HYLS1: variants seen among roughly 807,000 people sequenced by gnomAD.
HYLS1 encodes the protein HYLS1 centriolar and ciliogenesis associated, also known as centriolar and ciliogenesis-associated protein HYLS1.
A neutral mutation model predicts 29.4 loss-of-function variants in HYLS1; 25 were observed. The ratio of observed to expected loss-of-function variants is 0.85; its 90% CI spans 0.62 to 1.19. HYLS1 has a LOEUF of 1.19. Ranked by LOEUF, HYLS1 falls within the 50% of genes most tolerant of loss-of-function variation. The probability of loss-of-function intolerance (pLI) is 0.00; values close to 1 mark genes in which losing one functional copy is unlikely to be tolerated. For missense variants in HYLS1, 352 were observed against 365.1 expected (o/e 0.96, Z 0.29); for synonymous variants, 128 against 126.7 (o/e 1.01, Z -0.07).
rs761511515 is a variant in HYLS1 at position 125,899,632 on chromosome 11, A to G, written c.264A>G (p.Arg88=). ...PSETVSEASQ[R]LRKPVMKRKV... ...AAACAGTCTCTGAGGCCTCCCAAAG[A>G]CTCCGAAAGCCAGTGATGAAGAGAA... The change falls in exon 3 of 3, where the codon AGA becomes AGG. Residue 88 remains arginine (R), a synonymous_variant. Transcript: ENST00000425380. 3.1e-6 allele frequency: 5 copies of G among 1,614,082 alleles called. No homozygotes were observed. In the South Asian group the frequency reaches 4.4e-5, roughly 14 times the overall value.
chr11:125,896,105 A>G (rs1944579214), intron 2 of HYLS1: 2 of 1,614,236 alleles, frequency 1.2e-6, no homozygotes, highest in African/African-American at 1.3e-5. Flanking sequence ...GTCTTCGGCC[A>G]TGAGCACTGA....
In HYLS1 at chr11:125,900,310, A is replaced by G; in HGVS notation, c.*42A>G. On this transcript the variant is annotated 3_prime_UTR_variant, in exon 3 of 3. Transcript: ENST00000425380. ...TTCACAGGATTGTTTGAGATAACCT[A>G]GCTCTTTATATCTTCCCTTTTAAAT... 3 of 1,569,036 alleles carry G rather than the reference A, an allele frequency of 1.9e-6. No individual in the cohort carries two copies. Among genetic ancestry groups the G allele is most frequent in the Non-Finnish European group, 2.6e-6 (3 of 1,139,726 alleles).
In HYLS1 at chr11:125,895,051, C is replaced by CTT. The variant is rs11384524; in HGVS notation, c.-26+3593_-26+3594dup. Among the ~76,000 whole-genome samples the CTT allele has an allele frequency of 9.0e-3, 1,275 of 142,042 alleles. 19 individuals are homozygous for CTT. The highest frequency in any genetic ancestry group is 0.028 in the African/African-American group (1,100 of 39,128). The allele number at this position is 142,042 out of a possible 152,430, so 93.2% of individuals were successfully genotyped here. The stretch of plus-strand genomic sequence containing the variant: ...CGGTGGAGAGGAGGATATGCTATTT[C>CTT]TTTTTTTTTTTTTTTAAGACAGTCT... On this transcript the variant is annotated intron_variant, in intron 2 of 2. Coordinates refer to ENST00000425380, the MANE Select transcript of HYLS1 (RefSeq NM_001134793.2).
At chr11:125,889,833 C>A (rs1241729225) in intron 1 of HYLS1, among the ~76,000 whole-genome samples, 1 of 152,226 alleles carries the variant, frequency 6.6e-6, no homozygotes, top group Non-Finnish European at 1.5e-5. Context: ...GTTTTTATTT[C>A]TTCACACACT....
upstream of HYLS1, among the ~76,000 whole-genome samples, chr11:125,886,604 A>G (rs1944309137): frequency 8.0e-6 from 1 of 125,046 alleles, no homozygotes; most frequent in African/African-American, 3.4e-5. Context: ...TTTTTTTTAC[A>G]GGTACAGATG....
At chr11:125,894,104 CA>C in intron 2 of HYLS1, 1 of 1,614,132 alleles carries the variant, frequency 6.2e-7, no homozygotes, top group Non-Finnish European at 8.5e-7. Context: ...TCCTATTCCA[CA>C]GGGTACTGGA....
intron 2 of HYLS1, 155 bp from the exon 3 acceptor site, chr11:125,899,189 C>T: frequency 1.7e-6 from 1 of 595,160 alleles, no homozygotes. Flanking sequence ...GAGTTAATGC[C>T]CCTCTAAACT....
intron 2 of HYLS1, among the ~76,000 whole-genome samples, chr11:125,892,882 C>G (rs962569881): frequency 2.0e-5 from 3 of 152,156 alleles, no homozygotes; most frequent in African/African-American, 4.8e-5. Context: ...CAAATGTGAC[C>G]TGTGCTTACC....
intron 2 of HYLS1, chr11:125,895,485 A>G (rs1007332055): frequency 3.1e-6 from 5 of 1,614,148 alleles, no homozygotes; most frequent in South Asian, 1.1e-5. Flanking sequence ...GGCTACATCC[A>G]TTTTACACAA....
intron 2 of HYLS1, chr11:125,893,957 G>T (rs1273100414): frequency 2.5e-6 from 4 of 1,614,134 alleles, no homozygotes; most frequent in Admixed American, 1.7e-5. Context: ...CTGGATCCGG[G>T]ATTCCAGTCC....
At chr11:125,886,092 C>G (rs73626614), upstream of HYLS1, among the ~76,000 whole-genome samples, 1,032 of 152,236 alleles carry the variant, frequency 6.8e-3, 13 homozygotes, top group African/African-American at 0.023. Context: ...AACCATACCC[C>G]CTCTCTGAGC....
chr11:125,886,639 T>TA (rs1167762774), upstream of HYLS1, among the ~76,000 whole-genome samples: 36 of 138,472 alleles, frequency 2.6e-4, no homozygotes, highest in Non-Finnish European at 2.5e-4. Flanking sequence ...ACATCGGGTT[T>TA]AAAAAAAAAA....
rs201029610 is a variant in HYLS1 at position 125,899,448 on chromosome 11, T to A, written c.80T>A (p.Phe27Tyr). ...CGAATGTTGGCAGCTGCTACAGCTT[T>A]TACCCACATCTGTGCAGGGCAGGGT... is the stretch of plus-strand genomic sequence containing the variant. ...EERMLAAATA[F>Y]THICAGQGEG... is the part of the protein sequence containing the mutation. Residue 27 changes from phenylalanine (F) to tyrosine (Y), a missense_variant, in exon 3 of 3, where the codon TTT becomes TAT. Physicochemically the swap from Phe to Tyr is conservative, Grantham distance 22 (BLOSUM62 3). Transcript: ENST00000425380. 3.2e-4 allele frequency: 520 copies of A among 1,614,204 alleles called. No homozygotes were observed. The highest frequency in any genetic ancestry group is 1.6e-3 in the Admixed American group (94 of 60,026).
chr11:125,900,150 C>T lies in HYLS1; in HGVS notation c.782C>T (p.Pro261Leu). The part of the protein sequence containing the change: ...PQSKPQHIYV[P>L]NNYLVPTEKK... ...TCCAAACCTCAGCATATATATGTCC[C>T]AAACAATTATCTAGTACCAACAGAG... is the stretch of plus-strand genomic sequence containing the variant. Residue 261 changes from proline to leucine, a missense_variant, in exon 3 of 3, where the codon CCA (proline) becomes CTA (leucine). Pro to Leu is a moderately conservative substitution (Grantham distance 98, BLOSUM62 -3). Coordinates refer to ENST00000425380, the MANE Select transcript of HYLS1 (RefSeq NM_001134793.2). 6.2e-7 allele frequency: 1 copy of T among 1,614,118 alleles called. No homozygotes were observed. Among genetic ancestry groups the T allele is most frequent in the Non-Finnish European group, 8.5e-7 (1 of 1,180,020 alleles).
intron 2 of HYLS1, among the ~76,000 whole-genome samples, chr11:125,892,404 C>T (rs1944435138): frequency 6.6e-6 from 1 of 152,166 alleles, no homozygotes; most frequent in East Asian, 1.9e-4. Flanking sequence ...GTATTTAAGA[C>T]AACTCTGAGT....
chr11:125,892,257 TACTC>T (rs1357496614), intron 2 of HYLS1, among the ~76,000 whole-genome samples: 2 of 152,182 alleles, frequency 1.3e-5, no homozygotes, highest in African/African-American at 4.8e-5. Flanking sequence ...TTTGCAAAAT[TACTC>T]ATTCTCTGAG....
upstream of HYLS1, among the ~76,000 whole-genome samples, chr11:125,884,364 C>T (rs1944272618): frequency 6.7e-6 from 1 of 149,304 alleles, no homozygotes; most frequent in Non-Finnish European, 1.5e-5. Flanking sequence ...AGTCCCAGCA[C>T]TTTGGGAGGC....
At chr11:125,897,515 G>T (rs1196257774) in intron 2 of HYLS1, among the ~76,000 whole-genome samples, 1 of 50,634 alleles carries the variant, frequency 2.0e-5, no homozygotes, top group Non-Finnish European at 4.6e-5. Context: ...CAGTTTTAAT[G>T]AAAAAGTAAA....
chr11:125,896,213 C>T (rs757946102), intron 2 of HYLS1: 2 of 1,614,066 alleles, frequency 1.2e-6, no homozygotes, highest in East Asian at 4.5e-5. Context: ...GTCTTTGCAC[C>T]TCTTGCTCCA....
Sources: gnomAD v4.1 joint callset for allele counts (sites outside exome capture counted in the v4.1 genomes callset) on GRCh38, gnomAD v4.1.1 for gene constraint, MANE v1.5 for transcripts, NCBI Gene and HGNC (gene_info 2026-07-23, HGNC 2026-07-21) for gene names.